Variants in BMAL1 observed in about 807,000 individuals in gnomAD.
BMAL1 encodes the protein basic helix-loop-helix ARNT like 1.
the BMAL1 span, chr11:13,354,207 A>AACCCCCCC: frequency 1.9e-5 from 4 of 205,812 alleles, no homozygotes; most frequent in Non-Finnish European, 3.0e-5. Flanking sequence ...CCGGCCCCCC[A>AACCCCCCC]CCACCAAACC....
At chr11:13,351,425 T>G in the BMAL1 span, among the ~76,000 whole-genome samples, 1 of 152,190 alleles carries the variant, frequency 6.6e-6, no homozygotes, top group Non-Finnish European at 1.5e-5. Context: ...AACATCTCTC[T>G]TGTATATTCA....
the BMAL1 span, among the ~76,000 whole-genome samples, chr11:13,350,320 T>G: frequency 2.0e-5 from 3 of 152,234 alleles, no homozygotes; most frequent in African/African-American, 4.8e-5. Context: ...GGCTCTGTAC[T>G]CATTCCTGGC....
chr11:13,309,155 A>G, the BMAL1 span, among the ~76,000 whole-genome samples: 11 of 152,150 alleles, frequency 7.2e-5, no homozygotes, highest in African/African-American at 2.7e-4. Context: ...GGGCCCCATC[A>G]TGAACTTGGT....
At chr11:13,360,250 G>A in the BMAL1 span, 5 of 1,088,986 alleles carry the variant, frequency 4.6e-6, no homozygotes, top group Admixed American at 3.7e-5. Flanking sequence ...AGGTCATAGA[G>A]ACTAGGCCAC....
the BMAL1 span, among the ~76,000 whole-genome samples, chr11:13,277,308 C>A: frequency 1.3e-5 from 2 of 152,130 alleles, no homozygotes; most frequent in African/African-American, 2.4e-5. Flanking sequence ...GGCGGCCAAA[C>A]GCCAGCCGGC....
chr11:13,299,350 C>T, the BMAL1 span, among the ~76,000 whole-genome samples: 3 of 152,006 alleles, frequency 2.0e-5, no homozygotes, highest in South Asian at 2.1e-4. Flanking sequence ...GTGGCTGGGA[C>T]GAGAGGGTGC....
chr11:13,296,286 C>A, the BMAL1 span, among the ~76,000 whole-genome samples: 1 of 152,148 alleles, frequency 6.6e-6, no homozygotes, highest in Non-Finnish European at 1.5e-5. Context: ...TTTCAAAGAA[C>A]AAAGCCTTTG....
At chr11:13,361,398 T>A in the BMAL1 span, among the ~76,000 whole-genome samples, 1 of 152,060 alleles carries the variant, frequency 6.6e-6, no homozygotes, top group Non-Finnish European at 1.5e-5. Context: ...AAAACGTAAC[T>A]AAAAGGAAGG....
the BMAL1 span, chr11:13,354,632 C>A: frequency 1.4e-6 from 1 of 722,230 alleles, no homozygotes; most frequent in Non-Finnish European, 2.2e-6. Context: ...AAGAAGGAGC[C>A]TTCAGCAGTG....
the BMAL1 span, among the ~76,000 whole-genome samples, chr11:13,350,672 A>T: frequency 6.6e-6 from 1 of 152,212 alleles, no homozygotes; most frequent in Non-Finnish European, 1.5e-5. Context: ...AAAATCTCCT[A>T]TCCATTAGAG....
At chr11:13,347,372 C>A in the BMAL1 span, among the ~76,000 whole-genome samples, 1 of 151,928 alleles carries the variant, frequency 6.6e-6, no homozygotes, top group Admixed American at 6.5e-5. Flanking sequence ...CAGAGTGAGA[C>A]CCTGTCTCAA....
the BMAL1 span, among the ~76,000 whole-genome samples, chr11:13,288,435 T>TCTTTCTTTCTTTCTTTCTTTCTTTCTTC: frequency 7.0e-6 from 1 of 142,670 alleles, no homozygotes; most frequent in African/African-American, 2.6e-5. Flanking sequence ...TTTTTTTTTT[T>TCTTTCTTTCTTTCTTTCTTTCTTTCTTC]TTTGTGATGG....
the BMAL1 span, among the ~76,000 whole-genome samples, chr11:13,324,363 A>G: frequency 7.3e-6 from 1 of 137,196 alleles, no homozygotes; most frequent in Non-Finnish European, 1.6e-5. Flanking sequence ...TGCTCACTCC[A>G]TTTCAGCTGC....
chr11:13,373,561 C>T, the BMAL1 span, among the ~76,000 whole-genome samples: 488 of 152,282 alleles, frequency 3.2e-3, 4 homozygotes, highest in African/African-American at 0.011. Flanking sequence ...AGATCTAGTG[C>T]AGTGGCGAGA....
At chr11:13,300,248 C>T in the BMAL1 span, among the ~76,000 whole-genome samples, 1 of 152,178 alleles carries the variant, frequency 6.6e-6, no homozygotes. Flanking sequence ...TAGATTGCTT[C>T]TAATTTTTGC....
chr11:13,345,930 C>T, the BMAL1 span, among the ~76,000 whole-genome samples: 1 of 152,120 alleles, frequency 6.6e-6, no homozygotes, highest in Non-Finnish European at 1.5e-5. Context: ...ACTAGGGGAC[C>T]AACCATCCCG....
At chr11:13,283,606 G>A in the BMAL1 span, among the ~76,000 whole-genome samples, 220 of 152,214 alleles carry the variant, frequency 1.4e-3, no homozygotes, top group African/African-American at 4.9e-3. Flanking sequence ...GAAACACCCC[G>A]TTATATCCCT....
chr11:13,372,487 G>A, the BMAL1 span: 9 of 1,560,210 alleles, frequency 5.8e-6, no homozygotes, highest in Admixed American at 1.7e-4. Context: ...AGAAGACTGG[G>A]CCATCAGCTG....
At chr11:13,327,316 G>A in the BMAL1 span, among the ~76,000 whole-genome samples, 6 of 152,040 alleles carry the variant, frequency 3.9e-5, no homozygotes, top group Admixed American at 1.3e-4. Context: ...CCTACTATGC[G>A]CCGGACATTG....
Sources: allele counts gnomAD v4.1 joint callset (sites outside exome capture counted in the v4.1 genomes callset), GRCh38; gene constraint gnomAD v4.1.1; transcripts MANE v1.5; gene names NCBI Gene and HGNC (gene_info 2026-07-23, HGNC 2026-07-21).